The following KDM8 variants were observed in gnomAD, a reference collection of about 807,000 sequenced individuals.
KDM8 encodes bifunctional peptidase and arginyl-hydroxylase JMJD5.
In KDM8, 35 loss-of-function variants were observed where a neutral mutation model predicts 46.9. The observed-to-expected ratio is 0.75, with a 90% CI of 0.57 to 0.99. The LOEUF is 0.99. Among genes scored for constraint, KDM8 ranks in the 50% least tolerant of loss-of-function variants. The probability of loss-of-function intolerance (pLI) is 0.00; values close to 1 mark genes in which losing one functional copy is unlikely to be tolerated. For synonymous variants in KDM8, 232 were observed against 227.7 expected (o/e 1.02, Z -0.17); for missense variants, 475 against 537.0 (o/e 0.88, Z 1.14).
In KDM8 at chr16:27,215,120, T is replaced by G. The variant is rs556976814; in HGVS notation, c.798+112T>G. 4.7e-6 allele frequency: 6 copies of G among 1,281,674 alleles called. No homozygotes were observed. The African/African-American group carries it at 7.3e-5, about 16-fold the overall frequency. The allele number at this position is 1,281,674 out of a possible 1,614,324, so 79.4% of individuals were successfully genotyped here. A position where few individuals can be genotyped will look rare whatever the true frequency, so the allele number is the denominator to read the frequency against. The stretch of plus-strand genomic sequence containing the variant: ...GGGAGGTTTTGGAGGAGCCAGGCTG[T>G]AAGTCTGTGGTCGGAGGGACGACCG... On this transcript the variant is annotated intron_variant, in intron 4 of 7. Transcript: ENST00000286096.
intron 2 of KDM8, among the ~76,000 whole-genome samples, chr16:27,212,217 C>G (rs1475564772): frequency 1.3e-5 from 2 of 151,656 alleles, no homozygotes; most frequent in African/African-American, 4.8e-5. Flanking sequence ...GGAGAATGTT[C>G]AGCCTCACCT....
intron 5 of KDM8, among the ~76,000 whole-genome samples, chr16:27,218,731 C>T (rs554107853): frequency 3.9e-5 from 6 of 152,214 alleles, no homozygotes; most frequent in African/African-American, 1.4e-4. Context: ...CTTGTAGTCC[C>T]AGCTAGTAAG....
At chr16:27,219,348 G>A (rs924059524) in intron 6 of KDM8, among the ~76,000 whole-genome samples, 1 of 152,254 alleles carries the variant, frequency 6.6e-6, no homozygotes, top group African/African-American at 2.4e-5. Context: ...CCCTCACAGG[G>A]GAGCCCTCGG....
intron 1 of KDM8, among the ~76,000 whole-genome samples, chr16:27,206,518 C>T (rs1340556492): frequency 2.0e-5 from 3 of 152,212 alleles, no homozygotes; most frequent in Non-Finnish European, 4.4e-5. Flanking sequence ...GTCATCCACC[C>T]TCCTCAGCCT....
In KDM8 at chr16:27,210,271, C is replaced by T; in HGVS notation, c.148C>T (p.Gln50Ter). 6.2e-7 allele frequency: 1 copy of T among 1,613,226 alleles called. No individual in the cohort carries two copies. The highest frequency in any genetic ancestry group is 1.3e-5 in the African/African-American group (1 of 75,058). Residue 50 changes from glutamine (Q) to a stop codon, truncating the protein, a stop_gained, in exon 2 of 8, where the codon CAG (glutamine) becomes TAG (stop). Coordinates refer to ENST00000286096, the MANE Select transcript of KDM8 (RefSeq NM_024773.3). LOFTEE classifies it high-confidence loss of function. ...GGAGAGGAGCGTGGTGACATTGTTG[C>T]AGCGAGCCACTGAGCTCTTCTACGA... ...KVERSVVTLLQRATELFYEGR... is the reference protein window; with the variant it reads ...KVERSVVTLL
rs1450067758 is a variant in KDM8 at position 27,220,738 on chromosome 16, A to G, written c.*8A>G. On this transcript the variant is annotated 3_prime_UTR_variant, in exon 8 of 8. Coordinates refer to ENST00000286096, the MANE Select transcript of KDM8 (RefSeq NM_024773.3). ...AGCTTCTGGTGGTCGTAGCCAGGAT[A>G]GGAGCTGAAAGGGCCTGACATGCAG... 3 of 1,614,146 alleles carry G rather than the reference A, an allele frequency of 1.9e-6. 1 individual carries two copies. In the South Asian group the frequency reaches 3.3e-5, roughly 18 times the overall value.
chr16:27,209,887 G>T lies in KDM8; in HGVS notation c.-31-206G>T, dbSNP rs367643150. 1.3e-4 allele frequency among the ~76,000 whole-genome samples: 20 copies of T among 152,368 alleles called. No individual in the cohort carries two copies. In the East Asian group the frequency reaches 1.9e-3, roughly 15 times the overall value. ...CTTTCTGAACAGACGTTTATCCAGTGCTTGCTGAGTACCAGGTGTTGCGCC... is the reference window on the plus strand; with the variant it reads ...CTTTCTGAACAGACGTTTATCCAGTTCTTGCTGAGTACCAGGTGTTGCGCC... On this transcript the variant is annotated intron_variant, in intron 1 of 7. Coordinates refer to ENST00000286096, the MANE Select transcript of KDM8 (RefSeq NM_024773.3).
chr16:27,214,489 T>G (rs1302208778), intron 3 of KDM8: 1 of 197,868 alleles, frequency 5.1e-6, no homozygotes, highest in Non-Finnish European at 1.1e-5. Flanking sequence ...AGGCCTGGAA[T>G]CAGTCCCAGG....
intron 2 of KDM8, among the ~76,000 whole-genome samples, chr16:27,212,592 G>A (rs780023468): frequency 1.3e-5 from 2 of 152,154 alleles, no homozygotes; most frequent in Non-Finnish European, 2.9e-5. Context: ...AAATTTGCTG[G>A]GCGTCCTGGC....
chr16:27,213,056 C>G (rs2083502211), intron 2 of KDM8, among the ~76,000 whole-genome samples: 1 of 152,172 alleles, frequency 6.6e-6, no homozygotes, highest in Admixed American at 6.5e-5. Flanking sequence ...ACTCAGGTCA[C>G]CCAGCTGGGA....
Position 27,210,744 on chromosome 16 carries a change from A to G in KDM8, c.498+123A>G. 4.2e-6 allele frequency: 4 copies of G among 944,798 alleles called. No individual in the cohort carries two copies. The South Asian group carries it at 9.5e-5, about 22-fold the overall frequency. 58.5% of individuals were successfully genotyped at this position (944,798 alleles called of 1,614,324 possible). ...GCCTGCAACCCCTCTGGTGGAAAAC[A>G]GCATTGCCATTGATTTTGGATTTCT... On this transcript the variant is annotated intron_variant, in intron 2 of 7. Transcript: ENST00000286096.
At chr16:27,209,697 A>G (rs961666974) in intron 1 of KDM8, among the ~76,000 whole-genome samples, 1 of 152,222 alleles carries the variant, frequency 6.6e-6, no homozygotes, top group Non-Finnish European at 1.5e-5. Context: ...CATCCTGACG[A>G]GTACTGTAAG....
rs2083609338 is a variant in KDM8, at chr16:27,220,550, C to T, written c.1087-16C>T. On this transcript the variant is annotated splice_polypyrimidine_tract_variant and intron_variant, in intron 7 of 7. Transcript: ENST00000286096. ...CCACTGCCCCTGGAGATGATGACGT[C>T]CTTTGCTTTCTTCAGGTTGACGTGG... 3 of 1,614,170 alleles carry T rather than the reference C, an allele frequency of 1.9e-6. No individual in the cohort carries two copies. Among genetic ancestry groups the T allele is most frequent in the East Asian group, 4.5e-5 (2 of 44,876 alleles).
At chr16:27,216,308 TGTGAACCACCGAGCCCTGGAC>T (rs1251613260) in intron 5 of KDM8, among the ~76,000 whole-genome samples, 3 of 150,624 alleles carry the variant, frequency 2.0e-5, no homozygotes, top group Non-Finnish European at 4.4e-5. Context: ...TCAAGACCGG[TGTGAACCACCGAGCCCTGGAC>T]GTGGGTGGAT....
intron 4 of KDM8, 126 bp downstream of exon 4, chr16:27,215,134 G>C: frequency 9.0e-7 from 1 of 1,111,332 alleles, no homozygotes; most frequent in South Asian, 1.4e-5. Flanking sequence ...TCTGTGGTCG[G>C]AGGGACGACC....
chr16:27,212,612 T>C (rs1170560413), intron 2 of KDM8, among the ~76,000 whole-genome samples: 2 of 152,228 alleles, frequency 1.3e-5, no homozygotes, highest in African/African-American at 4.8e-5. Flanking sequence ...CACATGCCTG[T>C]AATCCCAGCT....
intron 4 of KDM8, 69 bp from the exon 5 acceptor site, chr16:27,215,876 C>A: frequency 6.7e-7 from 1 of 1,503,548 alleles, no homozygotes; most frequent in South Asian, 1.1e-5. Context: ...TGGACAGCAG[C>A]AGCAGGAGGG....
chr16:27,215,934 C>G lies in KDM8; in HGVS notation c.799-11C>G. 1 of 1,614,110 alleles carries G rather than the reference C, an allele frequency of 6.2e-7. No individual in the cohort carries two copies. Among genetic ancestry groups the G allele is most frequent in the Non-Finnish European group, 8.5e-7 (1 of 1,179,994 alleles). On this transcript the variant is annotated splice_polypyrimidine_tract_variant and intron_variant, in intron 4 of 7. Coordinates refer to ENST00000286096, the MANE Select transcript of KDM8 (RefSeq NM_024773.3). Reference sequence around the variant, plus strand: ...TTTCTGTGTTGCCTCTGGTTTTCCCCGGTGGATTAGCCAAGGGACGTCGGG... The same window carrying G: ...TTTCTGTGTTGCCTCTGGTTTTCCCGGGTGGATTAGCCAAGGGACGTCGGG...
chr16:27,209,988 C>T (rs1030387382), intron 1 of KDM8, 105 bp from the exon 2 acceptor site: 2 of 1,192,672 alleles, frequency 1.7e-6, no homozygotes, highest in Admixed American at 4.5e-5. Context: ...ACAGAGAAGA[C>T]TGCTGTTGAA....
Sources: gnomAD v4.1 joint callset for allele counts (sites outside exome capture counted in the v4.1 genomes callset) on GRCh38, gnomAD v4.1.1 for gene constraint, MANE v1.5 for transcripts, NCBI Gene and HGNC (gene_info 2026-07-23, HGNC 2026-07-21) for gene names.